MXD4: variants seen among roughly 807,000 people sequenced by gnomAD.
The protein encoded by MXD4 is Mad4 homolog.
MXD4 carries 16 observed loss-of-function variants against 24.5 expected under a neutral mutation model. The observed-to-expected ratio is 0.65, with a 90% CI of 0.44 to 0.99. The LOEUF (loss-of-function observed/expected upper bound fraction) is 0.99. MXD4 is among the 50% of genes least tolerant of loss of function. MXD4 has a pLI of 0.00. For missense variants in MXD4, 301 were observed against 301.5 expected (o/e 1.00, Z 0.01); for synonymous variants, 164 against 134.2 (o/e 1.22, Z -1.54).
chr4:2,261,330 C>G (rs1242676049), intron 2 of MXD4, among the ~76,000 whole-genome samples: 2 of 152,204 alleles, frequency 1.3e-5, no homozygotes, highest in Non-Finnish European at 2.9e-5. Flanking sequence ...GGGCCGGCAG[C>G]CCCCGCAGAC....
chr4:2,258,099 T>C, intron 2 of MXD4, 88 bp from the exon 3 acceptor site: 1 of 1,522,816 alleles, frequency 6.6e-7, no homozygotes, highest in Non-Finnish European at 9.0e-7. Flanking sequence ...GGCCAGGACC[T>C]GCAGACAGTG....
At chr4:2,259,129 C>T in intron 2 of MXD4, 2 of 346,442 alleles carry the variant, frequency 5.8e-6, no homozygotes, top group Non-Finnish European at 1.2e-5. Flanking sequence ...CTCTCCCTGC[C>T]CTCAGGACCT....
In MXD4 at chr4:2,251,335, C is replaced by G. The variant is rs746082581; in HGVS notation, c.310-89G>C. ...GCACTGGGGCACCCAGGCCTGGGCC[C>G]GGGAGGTTCCCCATCCCTGCCAAGA... On this transcript the variant is annotated intron_variant, in intron 4 of 5. Transcript: ENST00000337190. 5.0e-6 allele frequency: 7 copies of G among 1,408,256 alleles called. No homozygotes were observed. In the East Asian group the frequency reaches 1.0e-4, roughly 20 times the overall value. 87.2% of individuals were successfully genotyped at this position (1,408,256 alleles called of 1,614,324 possible). A position where few individuals can be genotyped will look rare whatever the true frequency, so the allele number is the denominator to read the frequency against.
chr4:2,251,068 G>C lies in MXD4; in HGVS notation c.472+16C>G. 6.5e-7 allele frequency: 1 copy of C among 1,545,960 alleles called. No individual in the cohort carries two copies. Among genetic ancestry groups the C allele is most frequent in the Non-Finnish European group, 8.8e-7 (1 of 1,140,094 alleles). The stretch of plus-strand genomic sequence containing the variant: ...CCGGAGGCCCAGGTGAGGCTGCCCC[G>C]CGCCCCACGCCCCACCTTGCTCTGA... On this transcript the variant is annotated intron_variant, in intron 5 of 5. Coordinates refer to ENST00000337190, the MANE Select transcript of MXD4 (RefSeq NM_006454.3).
Position 2,261,738 on chromosome 4 carries a change from C to A in MXD4, c.151G>T (p.Ala51Ser). ...GGGGGGCGGTACCTGTTGTTCGGGGCCTTGCGCACCAGGCCGGCCGCCTTT... is the reference window on the plus strand; with the variant it reads ...GGGGGGCGGTACCTGTTGTTCGGGGACTTGCGCACCAGGCCGGCCGCCTTT... ...KTKAAGLVRK[A>S]PNNRSSHNEL... Residue 51 changes from alanine (A) to serine (S), a missense_variant, in exon 2 of 6, where the codon GCC (alanine) becomes TCC (serine). Physicochemically the swap from Ala to Ser is moderately conservative, Grantham distance 99 (BLOSUM62 1). Coordinates refer to ENST00000337190, the MANE Select transcript of MXD4 (RefSeq NM_006454.3). 7.1e-7 allele frequency: 1 copy of A among 1,413,050 alleles called. No homozygotes were observed. Among genetic ancestry groups the A allele is most frequent in the South Asian group, 1.4e-5 (1 of 73,066 alleles). The allele number at this position is 1,413,050 out of a possible 1,614,324, so 87.5% of individuals were successfully genotyped here.
In MXD4 at chr4:2,250,519, A is replaced by C. The variant is rs995175899; in HGVS notation, c.*25T>G. ...TGACACGCGTGGCTGGCGGGCAGGC[A>C]GGCCAAGGAGCAGAGGGCACGGGCC... On this transcript the variant is annotated 3_prime_UTR_variant, in exon 6 of 6. Transcript: ENST00000337190. 2 of 1,532,832 alleles carry C rather than the reference A, an allele frequency of 1.3e-6. No homozygotes were observed. The highest frequency in any genetic ancestry group is 2.8e-5 in the African/African-American group (2 of 72,594). 95.0% of individuals were successfully genotyped at this position (1,532,832 alleles called of 1,614,324 possible).
intron 3 of MXD4, among the ~76,000 whole-genome samples, 166 bp downstream of exon 3, chr4:2,257,806 TGCCTGAAACA>T (rs1223103830): frequency 1.1e-4 from 16 of 152,146 alleles, no homozygotes; most frequent in African/African-American, 3.6e-4. Context: ...TAGCACAGAG[TGCCTGAAACA>T]GACCTCAGCC....
At chr4:2,252,357 G>A (rs1225570059) in intron 4 of MXD4, 51 bp downstream of exon 4, 1 of 1,469,336 alleles carries the variant, frequency 6.8e-7, no homozygotes. Context: ...AGGGCGTGCA[G>A]GGACACTGAG....
chr4:2,252,291 C>G, intron 4 of MXD4, 117 bp downstream of exon 4: 1 of 807,898 alleles, frequency 1.2e-6, no homozygotes, highest in Non-Finnish European at 2.0e-6. Flanking sequence ...GCTCCCCACC[C>G]ATCTTCAGGC....
chr4:2,259,180 A>G (rs28569440), intron 2 of MXD4: 56,953 of 333,614 alleles, frequency 0.17, 7,806 homozygotes, highest in African/African-American at 0.46. Flanking sequence ...TGCCTGCTTC[A>G]GGAACTTGGG....
intron 3 of MXD4, chr4:2,254,978 C>G: frequency 8.1e-6 from 2 of 246,758 alleles, no homozygotes; most frequent in Non-Finnish European, 1.6e-5. Context: ...CAAAACTATC[C>G]CCCCAGATCC....
At chr4:2,258,054 C>A (rs1735466346) in intron 2 of MXD4, 43 bp from the exon 3 acceptor site, 1 of 1,611,982 alleles carries the variant, frequency 6.2e-7, no homozygotes, top group Non-Finnish European at 8.5e-7. Context: ...CTTCTGCCTG[C>A]CCACCAGGGC....
At chr4:2,257,493 T>G (rs896444489) in intron 3 of MXD4, among the ~76,000 whole-genome samples, 1 of 152,192 alleles carries the variant, frequency 6.6e-6, no homozygotes, top group African/African-American at 2.4e-5. Flanking sequence ...CCAGGAGGAA[T>G]GAACACCCCG....
chr4:2,261,603 G>C, intron 2 of MXD4, 122 bp downstream of exon 2: 6 of 384,780 alleles, frequency 1.6e-5, no homozygotes, highest in Non-Finnish European at 2.2e-5. Context: ...CAGGCTGGCC[G>C]CCGGGGCGCG....
chr4:2,256,066 G>C (rs541677268), intron 3 of MXD4, among the ~76,000 whole-genome samples: 45 of 152,370 alleles, frequency 3.0e-4, no homozygotes, highest in African/African-American at 1.1e-3. Context: ...GGACGTGCCT[G>C]GGGGAATGTG....
Position 2,249,741 on chromosome 4 carries a change from G to A in MXD4, c.*803C>T, listed in dbSNP as rs532075400. 42 of 152,428 alleles carry A rather than the reference G, an allele frequency of 2.8e-4. 1 individual carries two copies. Among genetic ancestry groups the A allele is most frequent in the Admixed American group, 2.5e-3 (39 of 15,310 alleles). The allele number at this position is 152,428 out of a possible 1,614,324, so 9.4% of individuals were successfully genotyped here. A position where few individuals can be genotyped will look rare whatever the true frequency, so the allele number is the denominator to read the frequency against. ...TGGGCGTGGGTGAGCAGGAGCTAGAGGGGGATCCAGGCACAGCCCAGGGGC... is the reference window on the plus strand; with the variant it reads ...TGGGCGTGGGTGAGCAGGAGCTAGAAGGGGATCCAGGCACAGCCCAGGGGC... On this transcript the variant is annotated 3_prime_UTR_variant, in exon 6 of 6. Transcript: ENST00000337190.
chr4:2,250,767 C>A, intron 5 of MXD4, 66 bp from the exon 6 acceptor site: 1 of 1,560,566 alleles, frequency 6.4e-7, no homozygotes, highest in Non-Finnish European at 8.7e-7. Flanking sequence ...TCTCCCTTTT[C>A]TGGAAGCAGA....
At chr4:2,255,493 G>A (rs921086532) in intron 3 of MXD4, 1 of 433,040 alleles carries the variant, frequency 2.3e-6, no homozygotes, top group Admixed American at 2.5e-5. Context: ...GCAGTGGCCT[G>A]GAGCCAACTC....
rs1289649711 is a variant in MXD4, at chr4:2,261,768, T to C, written c.121A>G (p.Lys41Glu). ...LPFDGDFARE[K>E]TKAAGLVRKA... ...CGCACCAGGCCGGCCGCCTTTGTTT[T>C]CTCCCTGGCGAAGTCGCCGTCGAAG... The change falls in exon 2 of 6, where the codon AAA (lysine) becomes GAA (glutamate). Residue 41 changes from lysine (K) to glutamate (E), a missense_variant. Coordinates refer to ENST00000337190, the MANE Select transcript of MXD4 (RefSeq NM_006454.3). 4 of 1,430,700 alleles carry C rather than the reference T, an allele frequency of 2.8e-6. No individual in the cohort carries two copies. The highest frequency in any genetic ancestry group is 1.5e-5 in the African/African-American group (1 of 66,848). The allele number at this position is 1,430,700 out of a possible 1,614,324, so 88.6% of individuals were successfully genotyped here. A position where few individuals can be genotyped will look rare whatever the true frequency, so the allele number is the denominator to read the frequency against.
Sources: allele counts gnomAD v4.1 joint callset (sites outside exome capture counted in the v4.1 genomes callset), GRCh38; gene constraint gnomAD v4.1.1; transcripts MANE v1.5; gene names NCBI Gene and HGNC (gene_info 2026-07-23, HGNC 2026-07-21).